CYRIB: variants seen among roughly 807,000 people sequenced by gnomAD.
CYRIB encodes the protein CYFIP related Rac1 interactor B, also known as CYFIP-related Rac1 interactor B.
In CYRIB, 8 loss-of-function variants were observed where a neutral mutation model predicts 44.2. The ratio of observed to expected loss-of-function variants is 0.18; its 90% CI spans 0.11 to 0.33. CYRIB has a LOEUF of 0.33. Ranked by LOEUF, CYRIB falls within the 10% of genes least tolerant of loss-of-function variation. The probability of loss-of-function intolerance (pLI) is 1.00; values close to 1 mark genes in which losing one functional copy is unlikely to be tolerated. For synonymous variants in CYRIB, 131 were observed against 127.2 expected, an observed-to-expected ratio of 1.03 and a Z score of -0.20; for missense variants, 185 against 382.8, an observed-to-expected ratio of 0.48 and a Z score of 4.31.
At chr8:129,850,036 A>C (rs548144622) in intron 9 of CYRIB, 1 of 152,384 alleles carries the variant, frequency 6.6e-6, no homozygotes, top group Non-Finnish European at 1.5e-5. Context: ...CAGGATAGAG[A>C]CATCCAAGCA....
chr8:129,884,856 AT>A (rs915275411), intron 2 of CYRIB, among the ~76,000 whole-genome samples: 1 of 152,042 alleles, frequency 6.6e-6, no homozygotes, highest in Non-Finnish European at 1.5e-5. Context: ...TTCTGGTGGA[AT>A]TTTTTTTACT....
intron 2 of CYRIB, among the ~76,000 whole-genome samples, chr8:129,945,675 T>C (rs1470310948): frequency 2.6e-5 from 4 of 152,330 alleles, no homozygotes; most frequent in Non-Finnish European, 5.9e-5. Context: ...TTCAAGCGAC[T>C]TTCCTGCCTC....
In CYRIB at chr8:129,879,382, T is replaced by C. The variant is rs1257347475; in HGVS notation, c.73+7A>G. 1 of 1,595,648 alleles carries C rather than the reference T, an allele frequency of 6.3e-7. No homozygotes were observed. Among genetic ancestry groups the C allele is most frequent in the East Asian group, 2.2e-5 (1 of 44,728 alleles). ...AAAGAGAAATAGATATAAAATCATC[T>C]TCTCACTTTCAAAATCAAGGAAAAA... On this transcript the variant is annotated splice_region_variant and intron_variant, in intron 3 of 11. Coordinates refer to ENST00000519824, the Ensembl canonical transcript of CYRIB.
intron 4 of CYRIB, among the ~76,000 whole-genome samples, chr8:129,865,750 G>A (rs2053182119): frequency 6.6e-6 from 1 of 152,132 alleles, no homozygotes; most frequent in Non-Finnish European, 1.5e-5. Flanking sequence ...TATTTACACT[G>A]GCGTATTGTG....
chr8:129,887,967 C>T (rs2063473231), intron 2 of CYRIB, among the ~76,000 whole-genome samples: 1 of 152,124 alleles, frequency 6.6e-6, no homozygotes, highest in Admixed American at 6.5e-5. Flanking sequence ...TGAGTTAATG[C>T]TGAAATGAGT....
At chr8:129,957,189 T>C (rs957293930) in intron 2 of CYRIB, among the ~76,000 whole-genome samples, 1 of 152,126 alleles carries the variant, frequency 6.6e-6, no homozygotes, top group African/African-American at 2.4e-5. Flanking sequence ...TCCTCAGACC[T>C]TTCTCATGTT....
chr8:129,960,532 G>T (rs1344498988), intron 2 of CYRIB, among the ~76,000 whole-genome samples: 1 of 151,532 alleles, frequency 6.6e-6, no homozygotes, highest in East Asian at 1.9e-4. Context: ...AAACCTGGGA[G>T]GCAGAGGTTG....
At chr8:129,858,830 A>G in intron 5 of CYRIB, among the ~76,000 whole-genome samples, 1 of 152,210 alleles carries the variant, frequency 6.6e-6, no homozygotes, top group East Asian at 1.9e-4. Flanking sequence ...ACCTTCCCTT[A>G]GGTATCTGCC....
At chr8:129,990,773 C>G (rs865974353) in intron 1 of CYRIB, among the ~76,000 whole-genome samples, 1 of 152,226 alleles carries the variant, frequency 6.6e-6, no homozygotes. Context: ...GTCCTCCCAC[C>G]TCAGCCTCCC....
chr8:129,871,309 CAA>C (rs1260012972), intron 4 of CYRIB, 64 bp downstream of exon 6: 10 of 1,524,406 alleles, frequency 6.6e-6, no homozygotes, highest in Admixed American at 2.3e-5. Context: ...GTCTAGAAAA[CAA>C]GAGATTACAA....
At chr8:130,012,582 G>T (rs2097251752) in intron 1 of CYRIB, among the ~76,000 whole-genome samples, 1 of 152,158 alleles carries the variant, frequency 6.6e-6, no homozygotes, top group African/African-American at 2.4e-5. Context: ...CCTCTGGGTT[G>T]ATCGTCACAG....
chr8:129,988,111 C>T (rs1471245299), intron 1 of CYRIB, among the ~76,000 whole-genome samples: 1 of 152,124 alleles, frequency 6.6e-6, no homozygotes, highest in Non-Finnish European at 1.5e-5. Context: ...ATGGCGTCAG[C>T]CCCAAGTGAG....
intron 1 of CYRIB, among the ~76,000 whole-genome samples, chr8:129,910,608 G>A (rs2077489775): frequency 1.3e-5 from 2 of 149,198 alleles, no homozygotes; most frequent in Admixed American, 6.8e-5. Context: ...GAACAGACAA[G>A]ACAACATAGC....
At chr8:129,921,759 C>G (rs887780502) in intron 1 of CYRIB, among the ~76,000 whole-genome samples, 30 of 152,212 alleles carry the variant, frequency 2.0e-4, no homozygotes, top group African/African-American at 5.5e-4. Context: ...TATATATAAA[C>G]TGATTCTATT....
intron 1 of CYRIB, among the ~76,000 whole-genome samples, chr8:130,011,937 AC>A (rs1450877434): frequency 6.6e-6 from 1 of 152,106 alleles, no homozygotes; most frequent in East Asian, 1.9e-4. Flanking sequence ...TCCCATGTCC[AC>A]GTTCAGAAAG....
At chr8:129,946,733 G>A (rs1042042516) in intron 2 of CYRIB, among the ~76,000 whole-genome samples, 15 of 152,216 alleles carry the variant, frequency 9.9e-5, no homozygotes, top group African/African-American at 1.9e-4. Context: ...ATGAGCCTCC[G>A]GCACATCTGC....
intron 11 of CYRIB, chr8:129,844,580 A>C (rs537922757): frequency 9.8e-5 from 15 of 152,318 alleles, no homozygotes; most frequent in African/African-American, 3.6e-4. Flanking sequence ...CTTATGATTA[A>C]ATGTATTTGG....
At chr8:129,855,985 T>C (rs894815952) in intron 5 of CYRIB, among the ~76,000 whole-genome samples, 8 of 152,252 alleles carry the variant, frequency 5.3e-5, no homozygotes, top group Admixed American at 1.3e-4. Context: ...CAAGGGTTTA[T>C]AATTCTGTAA....
chr8:129,921,218 A>C (rs1021031152), intron 1 of CYRIB, among the ~76,000 whole-genome samples: 1 of 152,202 alleles, frequency 6.6e-6, no homozygotes, highest in Non-Finnish European at 1.5e-5. Context: ...TTGGAGAATG[A>C]CTGTTAATGC....
Sources: allele counts gnomAD v4.1 joint callset (sites outside exome capture counted in the v4.1 genomes callset), GRCh38; gene constraint gnomAD v4.1.1; transcripts MANE v1.5; gene names NCBI Gene and HGNC (gene_info 2026-07-23, HGNC 2026-07-21).